The following FAM114A1 variants were observed in gnomAD, a reference collection of about 807,000 sequenced individuals.
FAM114A1 encodes the protein family with sequence similarity 114 member A1.
Under a neutral mutation model 64.3 loss-of-function variants are expected in FAM114A1, and 62 were observed. The ratio of observed to expected loss-of-function variants is 0.96; its 90% CI spans 0.79 to 1.19. The LOEUF (loss-of-function observed/expected upper bound fraction) is 1.19, where lower values mean the gene tolerates loss of function less well. Among genes scored for constraint, FAM114A1 ranks in the 50% most tolerant of loss-of-function variants. The pLI, the probability that FAM114A1 is intolerant of heterozygous loss-of-function variation, is 0.00. For synonymous variants in FAM114A1, 254 were observed against 251.1 expected, an observed-to-expected ratio of 1.01 and a Z score of -0.11; for missense variants, 645 against 676.3, an observed-to-expected ratio of 0.95 and a Z score of 0.51.
At chr4:38,874,457 A>G (rs1025794997) in intron 2 of FAM114A1, among the ~76,000 whole-genome samples, 1 of 152,116 alleles carries the variant, frequency 6.6e-6, no homozygotes, top group Non-Finnish European at 1.5e-5. Flanking sequence ...TTGGCCACCT[A>G]TATGTTTTCT....
intron 7 of FAM114A1, among the ~76,000 whole-genome samples, chr4:38,910,238 C>T (rs1231302062): frequency 7.6e-6 from 1 of 132,362 alleles, no homozygotes; most frequent in African/African-American, 2.8e-5. Context: ...GACTGCATCT[C>T]AAAAAAAAAA....
rs188227396 is a variant in FAM114A1, at chr4:38,941,164, G to A, written c.1590+143G>A. ...TCAGGTCTTTTTTGAGTAAATTTGT[G>A]TAGCTCAACCAGCTGTAAACCCTCT... is the stretch of plus-strand genomic sequence containing the variant. On this transcript the variant is annotated intron_variant, in intron 14 of 14. Transcript: ENST00000358869. 4.0e-3 allele frequency: 2,729 copies of A among 688,042 alleles called. 16 individuals are homozygous for A. Among genetic ancestry groups the A allele is most frequent in the South Asian group, 7.0e-3 (354 of 50,552 alleles). 42.6% of individuals were successfully genotyped at this position (688,042 alleles called of 1,614,324 possible).
Position 38,944,068 on chromosome 4 carries a change from CTT to C in FAM114A1, c.*529_*530del, listed in dbSNP as rs749204163. 56 of 122,152 alleles carry C rather than the reference CTT, an allele frequency of 4.6e-4. No individual in the cohort carries two copies. The South Asian group carries it at 8.9e-3, about 19-fold the overall frequency. 7.6% of individuals were successfully genotyped at this position (122,152 alleles called of 1,614,324 possible). ...TAAAAAATAGGAACATATTGTCATT[CTT>C]TTTTTTTTTTTTTTTTTGAGACAGA... On this transcript the variant is annotated 3_prime_UTR_variant, in exon 15 of 15. Transcript: ENST00000358869.
chr4:38,935,082 T>C (rs1030291987), intron 12 of FAM114A1, among the ~76,000 whole-genome samples: 11 of 152,216 alleles, frequency 7.2e-5, no homozygotes, highest in African/African-American at 2.2e-4. Context: ...GCCCAGCTAA[T>C]TTTTTGGTAT....
At chr4:38,884,896 C>G (rs1715641825) in intron 3 of FAM114A1, among the ~76,000 whole-genome samples, 1 of 152,104 alleles carries the variant, frequency 6.6e-6, no homozygotes, top group Non-Finnish European at 1.5e-5. Context: ...TTTGTAACAC[C>G]CTATTCATAT....
chr4:38,905,701 T>G, intron 5 of FAM114A1, 54 bp from the exon 6 acceptor site: 2 of 1,610,088 alleles, frequency 1.2e-6, no homozygotes, highest in Non-Finnish European at 1.7e-6. Flanking sequence ...TCAGAGGTTT[T>G]CCAAGTTCAG....
chr4:38,871,512 T>TA (rs2109514994), intron 2 of FAM114A1, among the ~76,000 whole-genome samples: 1 of 152,330 alleles, frequency 6.6e-6, no homozygotes, highest in African/African-American at 2.4e-5. Flanking sequence ...TTTTTGACAA[T>TA]AGTCCATAAA....
chr4:38,926,583 G>A (rs1720112352), intron 9 of FAM114A1, among the ~76,000 whole-genome samples: 2 of 151,928 alleles, frequency 1.3e-5, no homozygotes, highest in African/African-American at 4.8e-5. Context: ...AGCCTCCCAA[G>A]TAGCTGGGAT....
intron 4 of FAM114A1, among the ~76,000 whole-genome samples, chr4:38,900,991 A>G (rs149927126): frequency 0.018 from 2,742 of 152,296 alleles, 103 homozygotes; most frequent in African/African-American, 0.061. Flanking sequence ...TATCAGAGAT[A>G]TGATATTATG....
chr4:38,908,823 C>A, intron 7 of FAM114A1, 97 bp downstream of exon 7: 1 of 1,214,630 alleles, frequency 8.2e-7, no homozygotes, highest in South Asian at 2.0e-5. Flanking sequence ...GCATGTGATT[C>A]AAATCAAATG....
Position 38,944,841 on chromosome 4 carries a change from C to T in FAM114A1, c.*1284C>T, listed in dbSNP as rs922253887. ...CACCCCCATCCCGCTACCCCGAGTC[C>T]GTGAAAAAATTGTCTTCCATGAAAC... is the stretch of plus-strand genomic sequence containing the variant. On this transcript the variant is annotated 3_prime_UTR_variant, in exon 15 of 15. Coordinates refer to ENST00000358869, the MANE Select transcript of FAM114A1 (RefSeq NM_138389.4). 9.6e-5 allele frequency: 12 copies of T among 125,220 alleles called. No homozygotes were observed. The highest frequency in any genetic ancestry group is 2.9e-4 in the African/African-American group (11 of 38,274). 7.8% of individuals were successfully genotyped at this position (125,220 alleles called of 1,614,324 possible).
rs142355664 is a variant in FAM114A1, at chr4:38,882,041, G to A, written c.348+3615G>A. 3.3e-3 allele frequency among the ~76,000 whole-genome samples: 497 copies of A among 152,150 alleles called. 3 individuals are homozygous for A. Among genetic ancestry groups the A allele is most frequent in the African/African-American group, 0.011 (475 of 41,510 alleles). On this transcript the variant is annotated intron_variant, in intron 3 of 14. Transcript: ENST00000358869. ...AAAGTTTCTGACCAGGGCCGGGCGC[G>A]GTGGCTCACGCCTGTAATCCCAGCA...
chr4:38,927,316 G>A (rs373584959), intron 9 of FAM114A1, among the ~76,000 whole-genome samples: 5 of 152,294 alleles, frequency 3.3e-5, no homozygotes, highest in Non-Finnish European at 5.9e-5. Context: ...CCGTAAAGTC[G>A]AAGCTCAAAG....
At chr4:38,878,582 T>C (rs1579294828) in intron 3 of FAM114A1, among the ~76,000 whole-genome samples, 156 bp downstream of exon 3, 1 of 152,262 alleles carries the variant, frequency 6.6e-6, no homozygotes, top group East Asian at 1.9e-4. Flanking sequence ...ATTAGACATA[T>C]ATAAAAATAA....
At chr4:38,887,027 C>CG (rs1715887016) in intron 3 of FAM114A1, among the ~76,000 whole-genome samples, 1 of 151,522 alleles carries the variant, frequency 6.6e-6, no homozygotes, top group East Asian at 1.9e-4. Flanking sequence ...CTAACCAGAT[C>CG]GGGAGATGTG....
At chr4:38,939,934 G>A (rs1721460013) in intron 13 of FAM114A1, among the ~76,000 whole-genome samples, 1 of 149,600 alleles carries the variant, frequency 6.7e-6, no homozygotes, top group Non-Finnish European at 1.5e-5. Context: ...TGTCACCCAG[G>A]TTGGAGTGCA....
At chr4:38,913,582 C>T (rs977831822) in intron 7 of FAM114A1, among the ~76,000 whole-genome samples, 5 of 151,806 alleles carry the variant, frequency 3.3e-5, no homozygotes, top group Non-Finnish European at 5.9e-5. Context: ...TTAGTAGATA[C>T]GTGGTTCCAC....
chr4:38,931,053 G>A (rs952050849), intron 10 of FAM114A1, among the ~76,000 whole-genome samples: 1 of 152,112 alleles, frequency 6.6e-6, no homozygotes, highest in Non-Finnish European at 1.5e-5. Flanking sequence ...TGCTGTAGCC[G>A]CGGCCCCATG....
intron 8 of FAM114A1, among the ~76,000 whole-genome samples, chr4:38,919,680 A>G (rs1579376581): frequency 6.6e-6 from 1 of 152,304 alleles, no homozygotes; most frequent in East Asian, 1.9e-4. Flanking sequence ...TCACATCAGC[A>G]TAAGGAGAGA....
Sources: allele counts gnomAD v4.1 joint callset (sites outside exome capture counted in the v4.1 genomes callset), GRCh38; gene constraint gnomAD v4.1.1; transcripts MANE v1.5; gene names NCBI Gene and HGNC (gene_info 2026-07-23, HGNC 2026-07-21).